The following STXBP5L variants were observed in gnomAD, a reference collection of about 807,000 sequenced individuals.
STXBP5L encodes syntaxin binding protein 5L, also known as syntaxin-binding protein 5-like.
In STXBP5L, 65 loss-of-function variants were observed where a neutral mutation model predicts 144.5. The observed-to-expected ratio is 0.45, with a 90% CI of 0.37 to 0.55. The LOEUF (loss-of-function observed/expected upper bound fraction) is 0.55. Ranked by LOEUF, STXBP5L falls within the 20% of genes least tolerant of loss-of-function variation. STXBP5L has a pLI of 0.00. For missense variants in STXBP5L, 1,298 were observed against 1,405.5 expected (o/e 0.92, Z 1.22); for synonymous variants, 505 against 469.6 (o/e 1.08, Z -0.97).
chr3:121,398,334 A>C (rs1039096048), intron 22 of STXBP5L, among the ~76,000 whole-genome samples: 5 of 152,266 alleles, frequency 3.3e-5, no homozygotes, highest in African/African-American at 1.2e-4. Context: ...CAGAAGGCTC[A>C]CAGCTTTTGT....
chr3:121,020,848 A>G (rs1053211968), intron 3 of STXBP5L, among the ~76,000 whole-genome samples: 3 of 109,952 alleles, frequency 2.7e-5, no homozygotes, highest in South Asian at 5.1e-4. Context: ...AAACAATACA[A>G]TGAAAAAAAA....
chr3:121,003,574 A>G (rs1199009415), intron 3 of STXBP5L, among the ~76,000 whole-genome samples: 3 of 152,092 alleles, frequency 2.0e-5, no homozygotes, highest in Non-Finnish European at 4.4e-5. Flanking sequence ...CCATTTGTCA[A>G]TTTTGGCTTT....
chr3:120,987,643 C>T (rs985921971), intron 3 of STXBP5L, among the ~76,000 whole-genome samples: 2 of 151,688 alleles, frequency 1.3e-5, no homozygotes, highest in South Asian at 2.1e-4. Context: ...AGATTGTGCT[C>T]GTGGTTTCAC....
chr3:121,191,379 A>G (rs2047674483), intron 9 of STXBP5L, among the ~76,000 whole-genome samples: 1 of 152,158 alleles, frequency 6.6e-6, no homozygotes, highest in South Asian at 2.1e-4. Context: ...CTCCACCAAA[A>G]AATATGAAAA....
chr3:121,213,735 G>A (rs1489027740), intron 10 of STXBP5L, among the ~76,000 whole-genome samples: 1 of 152,166 alleles, frequency 6.6e-6, no homozygotes, highest in African/African-American at 2.4e-5. Flanking sequence ...CATAAAAAGA[G>A]TTAGGGAGGA....
intron 22 of STXBP5L, among the ~76,000 whole-genome samples, chr3:121,401,474 G>C (rs565143159): frequency 6.8e-6 from 1 of 146,484 alleles, no homozygotes; most frequent in East Asian, 2.0e-4. Context: ...ATTCACAATA[G>C]CAAAGACTTG....
chr3:121,149,893 C>T (rs1255262826), intron 7 of STXBP5L, among the ~76,000 whole-genome samples: 1 of 152,016 alleles, frequency 6.6e-6, no homozygotes, highest in African/African-American at 2.4e-5. Flanking sequence ...TTTTCAAAGT[C>T]AAATGCTTAT....
intron 7 of STXBP5L, 142 bp from the exon 8 acceptor site, chr3:121,152,335 A>G (rs2045961540): frequency 3.5e-6 from 2 of 577,314 alleles, no homozygotes; most frequent in Admixed American, 3.9e-5. Flanking sequence ...AATGTAGAAA[A>G]CCTATATTCA....
intron 19 of STXBP5L, among the ~76,000 whole-genome samples, chr3:121,291,084 T>C (rs2051422537): frequency 6.6e-6 from 1 of 152,018 alleles, no homozygotes; most frequent in Non-Finnish European, 1.5e-5. Flanking sequence ...AAAGGGCATA[T>C]GAATCAGTAA....
At chr3:121,300,266 G>A (rs2051836880) in intron 19 of STXBP5L, among the ~76,000 whole-genome samples, 1 of 152,000 alleles carries the variant, frequency 6.6e-6, no homozygotes, top group Non-Finnish European at 1.5e-5. Flanking sequence ...TAACAGATCT[G>A]TACTATAAGA....
chr3:121,415,996 T>C, intron 25 of STXBP5L, 28 bp downstream of exon 25: 1 of 1,565,098 alleles, frequency 6.4e-7, no homozygotes, highest in South Asian at 1.1e-5. Flanking sequence ...TATAGAAATG[T>C]ATTGCAAAAT....
Position 121,265,151 on chromosome 3 carries a change from C to T in STXBP5L, c.1958+5983C>T, listed in dbSNP as rs570931440. Among the ~76,000 whole-genome samples, 3 of 152,266 alleles carry T rather than the reference C, an allele frequency of 2.0e-5. No homozygotes were observed. The South Asian group carries it at 6.2e-4, about 32-fold the overall frequency. ...AATAAACATCTACAGAACTCTCCAC[C>T]CCACATCAATGAATATACATTCTTC... On this transcript the variant is annotated intron_variant, in intron 18 of 26. Coordinates refer to ENST00000471454, the MANE Select transcript of STXBP5L (RefSeq NM_001308330.2).
chr3:121,068,088 C>A lies in STXBP5L; in HGVS notation c.470+22553C>A, dbSNP rs148137276. On this transcript the variant is annotated intron_variant, in intron 5 of 26. Transcript: ENST00000471454. ...GCAGTGGCACAATCTCAGCTCACTG[C>A]AACCTCCACGCCCTGGGTTCAAGTG... is the stretch of plus-strand genomic sequence containing the variant. 2.8e-3 allele frequency among the ~76,000 whole-genome samples: 420 copies of A among 152,348 alleles called. 3 individuals are homozygous for A. Among genetic ancestry groups the A allele is most frequent in the African/African-American group, 9.1e-3 (380 of 41,586 alleles).
Position 121,306,600 on chromosome 3 carries a change from C to T in STXBP5L, c.2111-11875C>T, listed in dbSNP as rs531541266. Among the ~76,000 whole-genome samples, 5 of 152,176 alleles carry T rather than the reference C, an allele frequency of 3.3e-5. No individual in the cohort carries two copies. The East Asian group carries it at 9.7e-4, about 29-fold the overall frequency. On this transcript the variant is annotated intron_variant, in intron 19 of 26. Transcript: ENST00000471454. Reference sequence around the variant, plus strand: ...TCAAAGCCCTCCCCAAAGTGACTAGCCTTATATGAAACAGTGTGGGAAAGT... The same window carrying T: ...TCAAAGCCCTCCCCAAAGTGACTAGTCTTATATGAAACAGTGTGGGAAAGT...
chr3:120,917,209 A>G (rs1709145211), intron 2 of STXBP5L, among the ~76,000 whole-genome samples: 1 of 152,184 alleles, frequency 6.6e-6, no homozygotes, highest in South Asian at 2.1e-4. Flanking sequence ...CAAACAAATA[A>G]CACAGAATTG....
chr3:120,977,871 C>T (rs972374911), intron 3 of STXBP5L, among the ~76,000 whole-genome samples: 5 of 152,162 alleles, frequency 3.3e-5, no homozygotes, highest in African/African-American at 4.8e-5. Context: ...TGAATATTGG[C>T]CCCCACTCTC....
intron 22 of STXBP5L, among the ~76,000 whole-genome samples, chr3:121,390,799 C>T (rs1234195008): frequency 6.6e-6 from 1 of 152,182 alleles, no homozygotes; most frequent in Admixed American, 6.5e-5. Context: ...CAACCTTTCT[C>T]TCTGGCTGCC....
At chr3:121,310,055 A>T (rs1217352828) in intron 19 of STXBP5L, among the ~76,000 whole-genome samples, 1 of 152,226 alleles carries the variant, frequency 6.6e-6, no homozygotes, top group Non-Finnish European at 1.5e-5. Flanking sequence ...TGACAAAGGC[A>T]CCAATAAAAA....
intron 8 of STXBP5L, among the ~76,000 whole-genome samples, chr3:121,156,200 C>A (rs1026761732): frequency 6.6e-6 from 1 of 151,920 alleles, no homozygotes; most frequent in Non-Finnish European, 1.5e-5. Context: ...ATCTTATTTT[C>A]TTGATTATAT....
Sources: allele counts gnomAD v4.1 joint callset (sites outside exome capture counted in the v4.1 genomes callset), GRCh38; gene constraint gnomAD v4.1.1; transcripts MANE v1.5; gene names NCBI Gene and HGNC (gene_info 2026-07-23, HGNC 2026-07-21).